Variants in CSNK1G2 observed in about 807,000 individuals in gnomAD.
The protein encoded by CSNK1G2 is casein kinase I isoform gamma-2.
CSNK1G2 carries 11 observed loss-of-function variants against 48.0 expected under a neutral mutation model. The ratio of observed to expected loss-of-function variants is 0.23; its 90% CI spans 0.14 to 0.38. The LOEUF is 0.38. Ranked by LOEUF, CSNK1G2 falls within the 10% of genes least tolerant of loss-of-function variation. The pLI is 1.00. For synonymous variants in CSNK1G2, 337 were observed against 254.1 expected (o/e 1.33, Z -3.10); for missense variants, 446 against 595.5 (o/e 0.75, Z 2.61).
intron 2 of CSNK1G2, among the ~76,000 whole-genome samples, chr19:1,973,647 T>C (rs2015653564): frequency 6.6e-6 from 1 of 152,218 alleles, no homozygotes; most frequent in Non-Finnish European, 1.5e-5. Flanking sequence ...CTGCTGCTGC[T>C]TGAAAGTTTA....
At position 1,978,531 on chromosome 19, in the gene CSNK1G2, T is replaced by G; in HGVS notation, c.298+20T>G. On this transcript the variant is annotated intron_variant, in intron 4 of 11. Transcript: ENST00000255641. The surrounding 1 kb of genome is among the most constrained non-coding windows in gnomAD (Gnocchi z 7.3). ...CCACAGGTACCGGGCGGCCCGCGGG[T>G]GGGGCGGGGGCTGCGCAGGGGCAGG... 6.4e-7 allele frequency: 1 copy of G among 1,568,256 alleles called. No individual in the cohort carries two copies. The highest frequency in any genetic ancestry group is 1.4e-5 in the African/African-American group (1 of 73,554).
chr19:1,952,091 G>A (rs4534977), intron 1 of CSNK1G2, among the ~76,000 whole-genome samples: 66,939 of 151,960 alleles, frequency 0.44, 17,932 homozygotes, highest in Non-Finnish European at 0.6. Context: ...TTTACTGGGG[G>A]CTAGGACTTG....
chr19:1,946,523 C>T (rs2014570000), intron 1 of CSNK1G2, among the ~76,000 whole-genome samples: 1 of 150,824 alleles, frequency 6.6e-6, no homozygotes, highest in East Asian at 1.9e-4. Context: ...GATCTCCTGA[C>T]CTCGTGATCT....
intron 1 of CSNK1G2, chr19:1,953,014 G>GA (rs767032802): frequency 0.026 from 7,843 of 306,072 alleles, 2 homozygotes; most frequent in South Asian, 0.039. Context: ...GACTCCGTCT[G>GA]AAAAAAAAAA....
In CSNK1G2 at chr19:1,978,627, C is replaced by A. The variant is rs147892032; in HGVS notation, c.324C>A (p.Phe108Leu). Residue 108 changes from phenylalanine to leucine, a missense_variant, in exon 5 of 12, where the codon TTC (phenylalanine) becomes TTA (leucine). Coordinates refer to ENST00000255641, the MANE Select transcript of CSNK1G2 (RefSeq NM_001319.7). The surrounding 1 kb of genome is among the most constrained non-coding windows in gnomAD (Gnocchi z 7.3). ...AGGGCGTCCCTCAGGTCTACTACTT[C>A]GGTCCGTGCGGGAAGTACAACGCCA... ...ATEGVPQVYYFGPCGKYNAMV... is the reference protein window; with the variant it reads ...ATEGVPQVYYLGPCGKYNAMV... 1.9e-6 allele frequency: 3 copies of A among 1,603,050 alleles called. No homozygotes were observed. The highest frequency in any genetic ancestry group is 1.7e-6 in the Non-Finnish European group (2 of 1,175,366).
At chr19:1,975,965 G>A (rs1304716717) in intron 2 of CSNK1G2, 19 of 921,728 alleles carry the variant, frequency 2.1e-5, no homozygotes, top group Non-Finnish European at 2.9e-5. Context: ...AACCCAGGAG[G>A]CAGAGGTTCC....
chr19:1,948,008 C>T (rs1424095335), intron 1 of CSNK1G2, among the ~76,000 whole-genome samples: 1 of 152,170 alleles, frequency 6.6e-6, no homozygotes, highest in Non-Finnish European at 1.5e-5. Flanking sequence ...GGCGCACAGC[C>T]CCGGTTCCTC....
Position 1,969,545 on chromosome 19 carries a change from G to C in CSNK1G2, c.-228G>C. The C allele has an allele frequency of 5.5e-6, 2 of 365,340 alleles. No homozygotes were observed. The highest frequency in any genetic ancestry group is 9.8e-6 in the Non-Finnish European group (2 of 204,680). The allele number at this position is 365,340 out of a possible 1,614,324, so 22.6% of individuals were successfully genotyped here. ...AGCTTTGAGGCGGTGGGATGTGTCA[G>C]CAGAATGTCTCCTGCCCCCGAGAGC... On this transcript the variant is annotated 5_prime_UTR_variant, in exon 2 of 12. Transcript: ENST00000255641.
chr19:1,979,891 C>G lies in CSNK1G2; in HGVS notation c.1087-20C>G. The G allele has an allele frequency of 1.2e-6, 2 of 1,605,846 alleles. No homozygotes were observed. The highest frequency in any genetic ancestry group is 1.7e-6 in the Non-Finnish European group (2 of 1,176,718). ...GGAGGGGCATGGGCGGCCAGCGTGA[C>G]CCCCTACTGCCCCCACCAGGCGTTG... On this transcript the variant is annotated intron_variant, in intron 10 of 11. Transcript: ENST00000255641.
intron 1 of CSNK1G2, among the ~76,000 whole-genome samples, chr19:1,943,667 G>A (rs1456255765): frequency 2.6e-5 from 4 of 152,270 alleles, no homozygotes; most frequent in African/African-American, 4.8e-5. Flanking sequence ...CCGCGCGCCC[G>A]AGTGGCAGAC....
intron 1 of CSNK1G2, among the ~76,000 whole-genome samples, chr19:1,945,647 C>T (rs1006724982): frequency 6.6e-6 from 1 of 152,106 alleles, no homozygotes; most frequent in Non-Finnish European, 1.5e-5. Context: ...CATGGCAAAA[C>T]CCCATCTCCA....
intron 1 of CSNK1G2, chr19:1,942,648 C>G (rs2014410334): frequency 6.6e-6 from 1 of 151,608 alleles, no homozygotes; most frequent in Non-Finnish European, 1.5e-5. Flanking sequence ...AAAACCCAGC[C>G]GTCCCGCCAC....
Position 1,975,290 on chromosome 19 carries a change from C to T in CSNK1G2, c.188-3015C>T, listed in dbSNP as rs887760412. 2.0e-5 allele frequency: 20 copies of T among 985,476 alleles called. No individual in the cohort carries two copies. The Admixed American group carries it at 3.7e-4, about 18-fold the overall frequency. The allele number at this position is 985,476 out of a possible 1,614,324, so 61.0% of individuals were successfully genotyped here. ...GATACATCGACAGACAGCAGAGGGA[C>T]GGTGTAGCACACAGGCGAGGGCTTG... On this transcript the variant is annotated intron_variant, in intron 2 of 11. Transcript: ENST00000255641.
intron 1 of CSNK1G2, among the ~76,000 whole-genome samples, chr19:1,956,531 C>T (rs1213346847): frequency 6.6e-6 from 1 of 152,158 alleles, no homozygotes; most frequent in Non-Finnish European, 1.5e-5. Context: ...AACAAAAGAC[C>T]ACGCATCCTA....
intron 1 of CSNK1G2, among the ~76,000 whole-genome samples, chr19:1,960,459 C>T (rs527826497): frequency 3.7e-4 from 57 of 152,318 alleles, no homozygotes; most frequent in Admixed American, 1.4e-3. Context: ...GGGCAGTGTC[C>T]CCTCGGGATG....
At chr19:1,943,077 C>G (rs1044784433) in intron 1 of CSNK1G2, among the ~76,000 whole-genome samples, 2 of 152,220 alleles carry the variant, frequency 1.3e-5, no homozygotes, top group South Asian at 4.1e-4. Context: ...GGACGGGGTC[C>G]CAATGGGAGG....
intron 1 of CSNK1G2, chr19:1,942,325 T>A (rs1009067721): frequency 6.6e-6 from 1 of 152,328 alleles, no homozygotes; most frequent in Admixed American, 6.5e-5. Flanking sequence ...TGAGAGGACA[T>A]TCGGGGACTG....
intron 1 of CSNK1G2, among the ~76,000 whole-genome samples, chr19:1,951,394 C>G (rs1157884122): frequency 7.0e-6 from 1 of 142,626 alleles, no homozygotes; most frequent in Admixed American, 7.0e-5. Flanking sequence ...CAGAGTGAGA[C>G]TCCGTCTCAA....
At chr19:1,947,257 G>A (rs986563923) in intron 1 of CSNK1G2, among the ~76,000 whole-genome samples, 1 of 152,346 alleles carries the variant, frequency 6.6e-6, no homozygotes, top group Non-Finnish European at 1.5e-5. Flanking sequence ...TGCCTGTGAG[G>A]CCTGATGGCC....
Sources: gnomAD v4.1 joint callset for allele counts (sites outside exome capture counted in the v4.1 genomes callset) on GRCh38, gnomAD v4.1.1 for gene constraint, Gnocchi (gnomAD v3.1) non-coding constraint, MANE v1.5 for transcripts, NCBI Gene and HGNC (gene_info 2026-07-23, HGNC 2026-07-21) for gene names.